Variants in TIMELESS observed in about 807,000 individuals in gnomAD.
TIMELESS encodes protein timeless homolog.
In TIMELESS, 124 loss-of-function variants were observed where a neutral mutation model predicts 164.3. The observed-to-expected ratio is 0.75, with a 90% CI of 0.65 to 0.88. TIMELESS has a LOEUF of 0.88. Among genes scored for constraint, TIMELESS ranks in the 40% least tolerant of loss-of-function variants. The probability of loss-of-function intolerance (pLI) is 0.00; values close to 1 mark genes in which losing one functional copy is unlikely to be tolerated. For synonymous variants in TIMELESS, 564 were observed against 563.4 expected (o/e 1.00, Z -0.02); for missense variants, 1,422 against 1,491.4 (o/e 0.95, Z 0.77).
chr12:56,432,219 T>C (rs1047482191), intron 7 of TIMELESS, 150 bp downstream of exon 7: 13 of 804,794 alleles, frequency 1.6e-5, no homozygotes, highest in Non-Finnish European at 2.3e-5. Flanking sequence ...AAACCATGAA[T>C]AAGGGGGTAC....
At position 56,425,019 on chromosome 12, in the gene TIMELESS, G is replaced by GTTTCTGTA; in HGVS notation, c.1711_1712insTACAGAAA (p.Ala571ValfsTer49). On this transcript the variant is annotated frameshift_variant, in exon 14 of 29. Coordinates refer to ENST00000553532, the MANE Select transcript of TIMELESS (RefSeq NM_003920.5). LOFTEE classifies it high-confidence loss of function. Reference sequence around the variant, plus strand: ...AGGGTTTCTGTAACCACCTACCTGGGCACAGCACTGTAGCTGCTCAGCCAG... The same window carrying GTTTCTGTA: ...AGGGTTTCTGTAACCACCTACCTGGGTTTCTGTACACAGCACTGTAGCTGCTCAGCCAG... 6.2e-7 allele frequency: 1 copy of GTTTCTGTA among 1,614,164 alleles called. No individual in the cohort carries two copies. Among genetic ancestry groups the GTTTCTGTA allele is most frequent in the Non-Finnish European group, 8.5e-7 (1 of 1,180,028 alleles).
chr12:56,416,933 A>G lies in TIMELESS; in HGVS notation c.*783T>C, dbSNP rs1238670206. On this transcript the variant is annotated 3_prime_UTR_variant, in exon 29 of 29. Coordinates refer to ENST00000553532, the MANE Select transcript of TIMELESS (RefSeq NM_003920.5). ...GAGATGGGATTTCGCCATATTGTCC[A>G]GGCCGGTCTCAAACTCCTGACCTCA... 6.6e-6 allele frequency: 1 copy of G among 152,184 alleles called. No homozygotes were observed. Among genetic ancestry groups the G allele is most frequent in the Non-Finnish European group, 1.5e-5 (1 of 68,100 alleles). The allele number at this position is 152,184 out of a possible 1,614,324, so 9.4% of individuals were successfully genotyped here.
chr12:56,433,864 G>T lies in TIMELESS; in HGVS notation c.160C>A (p.Gln54Lys), dbSNP rs748394312. 3 of 1,614,162 alleles carry T rather than the reference G, an allele frequency of 1.9e-6. No individual in the cohort carries two copies. The highest frequency in any genetic ancestry group is 2.5e-6 in the Non-Finnish European group (3 of 1,180,020). Residue 54 changes from glutamine to lysine, a missense_variant, in exon 3 of 29, where the codon CAG becomes AAG. Physicochemically the swap from Gln to Lys is moderately conservative, Grantham distance 53. Coordinates refer to ENST00000553532, the MANE Select transcript of TIMELESS (RefSeq NM_003920.5). ...TGTAGGATCTGGGCTGCCCCCAGCTGCTGCCGCACATCTCGTGTCTCATCC... is the reference window on the plus strand; with the variant it reads ...TGTAGGATCTGGGCTGCCCCCAGCTTCTGCCGCACATCTCGTGTCTCATCC... ...HEDETRDVRQ[Q>K]LGAAQILQSD...
rs774415795 is a variant in TIMELESS, at chr12:56,422,103, C to G, written c.2524+3G>C. On this transcript the variant is annotated splice_donor_region_variant and intron_variant, in intron 20 of 28. Transcript: ENST00000553532. ...AAACTCTCCAGATCCCAAGGCCTCT[C>G]ACCTTCCACGTCCTTATTGGCGAGG... The G allele has an allele frequency of 2.5e-6, 4 of 1,614,158 alleles. No homozygotes were observed. Among genetic ancestry groups the G allele is most frequent in the Non-Finnish European group, 2.5e-6 (3 of 1,180,010 alleles).
At position 56,433,873 on chromosome 12, in the gene TIMELESS, C is replaced by G; in HGVS notation, c.151G>C (p.Val51Leu). Residue 51 changes from valine to leucine, a missense_variant, in exon 3 of 29, where the codon GTG becomes CTG. Transcript: ENST00000553532. ...TGGGCTGCCCCCAGCTGCTGCCGCA[C>G]ATCTCGTGTCTCATCCTCATGCCTC... ...YLRHEDETRD[V>L]RQQLGAAQIL... The G allele has an allele frequency of 6.2e-7, 1 of 1,614,178 alleles. No individual in the cohort carries two copies. Among genetic ancestry groups the G allele is most frequent in the Non-Finnish European group, 8.5e-7 (1 of 1,180,032 alleles).
At chr12:56,443,622 AC>A (rs1490248074) in intron 1 of TIMELESS, among the ~76,000 whole-genome samples, 2 of 150,834 alleles carry the variant, frequency 1.3e-5, no homozygotes, top group Non-Finnish European at 2.9e-5. Context: ...CCCTATTCGT[AC>A]CCCCCTCCCC....
At chr12:56,447,519 G>A (rs1868378211) in intron 1 of TIMELESS, among the ~76,000 whole-genome samples, 1 of 152,164 alleles carries the variant, frequency 6.6e-6, no homozygotes, top group Non-Finnish European at 1.5e-5. Flanking sequence ...TGCAGTGAGA[G>A]GAGGAAGGAA....
intron 15 of TIMELESS, 129 bp downstream of exon 15, chr12:56,424,633 G>C (rs1366731379): frequency 4.6e-6 from 5 of 1,076,694 alleles, no homozygotes; most frequent in African/African-American, 1.6e-5. Flanking sequence ...AACGCCCCAG[G>C]AGTCAGTTGG....
chr12:56,425,533 C>G (rs1881649537), intron 13 of TIMELESS, among the ~76,000 whole-genome samples: 2 of 152,188 alleles, frequency 1.3e-5, no homozygotes, highest in Non-Finnish European at 2.9e-5. Flanking sequence ...GGAAAAGCTT[C>G]ATAAAATGCA....
intron 1 of TIMELESS, among the ~76,000 whole-genome samples, chr12:56,440,429 G>A (rs1244226123): frequency 6.6e-6 from 1 of 151,932 alleles, no homozygotes; most frequent in South Asian, 2.1e-4. Context: ...GAGCCACTGC[G>A]CCCGACCAAA....
intron 13 of TIMELESS, among the ~76,000 whole-genome samples, chr12:56,425,897 T>A (rs774051): frequency 0.95 from 144,233 of 152,044 alleles, 68,857 homozygotes; most frequent in Non-Finnish European, 1. Flanking sequence ...AATAAATAAA[T>A]AATTAAAAAA....
intron 1 of TIMELESS, among the ~76,000 whole-genome samples, chr12:56,447,856 C>A (rs1235445440): frequency 1.3e-5 from 2 of 152,098 alleles, no homozygotes; most frequent in Non-Finnish European, 2.9e-5. Context: ...AAGAGAAGTT[C>A]GCTTGGCAGA....
chr12:56,428,355 G>T lies in TIMELESS; in HGVS notation c.1459C>A (p.Arg487=). The T allele has an allele frequency of 6.2e-7, 1 of 1,612,620 alleles. No homozygotes were observed. ...EYRELFLALF[R]KFDERCQPRS... is the part of the protein sequence containing the mutation. The stretch of plus-strand genomic sequence containing the variant: ...GGCTGGCATCTCTCATCAAACTTTC[G>T]AAAAAGTGCCAGGAATAGTTCTCGG... Residue 487 remains arginine, a synonymous_variant, in exon 13 of 29, where the codon CGA becomes AGA. Coordinates refer to ENST00000553532, the MANE Select transcript of TIMELESS (RefSeq NM_003920.5).
chr12:56,449,148 G>A (rs899025769), intron 1 of TIMELESS, among the ~76,000 whole-genome samples, 162 bp downstream of exon 1: 14 of 152,396 alleles, frequency 9.2e-5, no homozygotes, highest in African/African-American at 2.4e-4. Context: ...AGACTAAGGA[G>A]CAGAGTACAG....
chr12:56,420,074 A>G (rs11171841), intron 26 of TIMELESS, among the ~76,000 whole-genome samples: 59,601 of 82,318 alleles, frequency 0.72, 20,658 homozygotes, highest in East Asian at 0.84. Context: ...GTGTGTGTAT[A>G]TATATATATA....
chr12:56,430,177 C>G lies in TIMELESS; in HGVS notation c.1014G>C (p.Val338=). The G allele has an allele frequency of 6.2e-7, 1 of 1,614,066 alleles. No individual in the cohort carries two copies. The highest frequency in any genetic ancestry group is 8.5e-7 in the Non-Finnish European group (1 of 1,180,018). Residue 338 remains valine, a synonymous_variant, in exon 10 of 29, where the codon GTG becomes GTC. Transcript: ENST00000553532. ...AGCAGAAGTCTCTGAGGAAGAGCCT[C>G]ACATTGAGGGCAGAACGGCGCTGAA... ...LSIQRRSALN[V]RLFLRDFCSE...
Position 56,428,598 on chromosome 12 carries a change from C to T in TIMELESS, c.1359G>A (p.Met453Ile). Residue 453 changes from methionine (M) to isoleucine (I), a missense_variant, in exon 12 of 29, where the codon ATG becomes ATA. By Grantham distance (10) the Met-to-Ile change is conservative (BLOSUM62 1). Coordinates refer to ENST00000553532, the MANE Select transcript of TIMELESS (RefSeq NM_003920.5). ...YQELLATVNE[M>I]DISPDEAVRE... ...TCACAGCCTCATCTGGAGATATGTC[C>T]ATCTCATTCACTGTTGCCAGCAGCT... 6.2e-7 allele frequency: 1 copy of T among 1,614,134 alleles called. No homozygotes were observed. The highest frequency in any genetic ancestry group is 8.5e-7 in the Non-Finnish European group (1 of 1,180,018).
chr12:56,421,215 G>C, intron 23 of TIMELESS, 81 bp from the exon 24 acceptor site: 1 of 1,592,258 alleles, frequency 6.3e-7, no homozygotes, highest in Non-Finnish European at 8.6e-7. Context: ...CCTGACCACC[G>C]CACCCCCCCG....
At chr12:56,449,079 T>G (rs968047505) in intron 1 of TIMELESS, among the ~76,000 whole-genome samples, 1 of 152,180 alleles carries the variant, frequency 6.6e-6, no homozygotes, top group South Asian at 2.1e-4. Context: ...AGACCCAAGC[T>G]GTGCGGAGCA....
Sources: gnomAD v4.1 joint callset for allele counts (sites outside exome capture counted in the v4.1 genomes callset) on GRCh38, gnomAD v4.1.1 for gene constraint, MANE v1.5 for transcripts, NCBI Gene and HGNC (gene_info 2026-07-23, HGNC 2026-07-21) for gene names.